LRGUK: variants seen among roughly 807,000 people sequenced by gnomAD.
LRGUK encodes the protein leucine rich repeats and guanylate kinase domain containing, also known as leucine-rich repeat and guanylate kinase domain-containing protein.
A neutral mutation model predicts 76.0 loss-of-function variants in LRGUK; 65 were observed. That is an observed-to-expected ratio of 0.85 (90% CI 0.70 to 1.05). The LOEUF (loss-of-function observed/expected upper bound fraction) is 1.05, where lower values mean the gene tolerates loss of function less well. Ranked by LOEUF, LRGUK falls within the 50% of genes least tolerant of loss-of-function variation. The pLI is 0.00. For synonymous variants in LRGUK, 268 were observed against 265.6 expected, an observed-to-expected ratio of 1.01 and a Z score of -0.09; for missense variants, 758 against 732.8, an observed-to-expected ratio of 1.03 and a Z score of -0.40.
At chr7:134,178,215 T>G (rs1213650115) in intron 9 of LRGUK, among the ~76,000 whole-genome samples, 1 of 152,142 alleles carries the variant, frequency 6.6e-6, no homozygotes, top group East Asian at 1.9e-4. Context: ...TGGTGGTTTT[T>G]TTGTGTGTGT....
chr7:134,171,651 G>T (rs925817001), intron 7 of LRGUK, among the ~76,000 whole-genome samples: 3 of 152,096 alleles, frequency 2.0e-5, no homozygotes, highest in Non-Finnish European at 4.4e-5. Context: ...GTGAGAGAAT[G>T]CGCTGGACTG....
Position 134,221,760 on chromosome 7 carries a change from TA to T in LRGUK, c.1844-18del. 1 of 1,466,604 alleles carries T rather than the reference TA, an allele frequency of 6.8e-7. No individual in the cohort carries two copies. The highest frequency in any genetic ancestry group is 9.0e-7 in the Non-Finnish European group (1 of 1,111,690). The allele number at this position is 1,466,604 out of a possible 1,614,324, so 90.8% of individuals were successfully genotyped here. On this transcript the variant is annotated intron_variant, in intron 15 of 19. Coordinates refer to the LRGUK transcript ENST00000285928. ...CCTTTATGACTTTTATTTTAAACTT[TA>T]TTTTTTTTTCCTACCAGATGTTAAG...
At chr7:134,249,059 A>C (rs1446606547) in exon 18 of LRGUK, 2 of 1,578,502 alleles carry the variant, frequency 1.3e-6, no homozygotes, top group East Asian at 2.3e-5. Context: ...CTCCATTTGG[A>C]CCATATCCTG....
At chr7:134,216,047 G>A (rs1439488866) in intron 15 of LRGUK, among the ~76,000 whole-genome samples, 2 of 152,094 alleles carry the variant, frequency 1.3e-5, no homozygotes, top group Admixed American at 1.3e-4. Context: ...AATTCCATTT[G>A]CATTACAATC....
At position 134,170,197 on chromosome 7, in the gene LRGUK, C is replaced by T. The variant is rs549118683; in HGVS notation, c.940-4359C>T. Among the ~76,000 whole-genome samples the T allele has an allele frequency of 2.4e-4, 36 of 151,974 alleles. No homozygotes were observed. In the South Asian group the frequency reaches 6.2e-3, roughly 26 times the overall value. ...CCTTAACTATCATTTATTTTATTATCGTTCTTCTGCTTTTCGTTGTACTCA... is the reference window on the plus strand; with the variant it reads ...CCTTAACTATCATTTATTTTATTATTGTTCTTCTGCTTTTCGTTGTACTCA... On this transcript the variant is annotated intron_variant, in intron 7 of 15. Coordinates refer to ENST00000645682, the Ensembl canonical transcript of LRGUK.
At chr7:134,163,285 C>T (rs1233354035) in intron 6 of LRGUK, 112 bp from the exon 7 acceptor site, 1 of 925,610 alleles carries the variant, frequency 1.1e-6, no homozygotes, top group Admixed American at 2.3e-5. Context: ...ACAAGAATGC[C>T]TTCTTGATTT....
At chr7:134,216,779 C>G (rs561824620) in intron 15 of LRGUK, among the ~76,000 whole-genome samples, 1 of 152,132 alleles carries the variant, frequency 6.6e-6, no homozygotes, top group East Asian at 1.9e-4. Flanking sequence ...CCTCAGTGTC[C>G]TAGGATAAAA....
At chr7:134,225,144 A>C (rs1801708537) in intron 16 of LRGUK, among the ~76,000 whole-genome samples, 1 of 151,262 alleles carries the variant, frequency 6.6e-6, no homozygotes, top group African/African-American at 2.4e-5. Context: ...AAAAAAAAAA[A>C]AAAAACCCAC....
At chr7:134,204,732 T>C (rs1051483303) in intron 15 of LRGUK, among the ~76,000 whole-genome samples, 1 of 152,214 alleles carries the variant, frequency 6.6e-6, no homozygotes, top group African/African-American at 2.4e-5. Flanking sequence ...ATGGTCCTTA[T>C]TAACACACAT....
chr7:134,268,203 A>G (rs1041908721), downstream of LRGUK, among the ~76,000 whole-genome samples: 3 of 133,584 alleles, frequency 2.2e-5, no homozygotes, highest in African/African-American at 7.3e-5. Flanking sequence ...TGAAAACATA[A>G]TAAAATGGAC....
intron 16 of LRGUK, among the ~76,000 whole-genome samples, chr7:134,242,956 A>G (rs929862807): frequency 6.6e-6 from 1 of 152,202 alleles, no homozygotes; most frequent in African/African-American, 2.4e-5. Flanking sequence ...CAAAAACCAC[A>G]TGATTATCTC....
At chr7:134,242,574 CA>C (rs1484244781) in intron 16 of LRGUK, among the ~76,000 whole-genome samples, 1 of 151,886 alleles carries the variant, frequency 6.6e-6, no homozygotes, top group East Asian at 1.9e-4. Flanking sequence ...GCCTACCAAC[CA>C]AAAAAAGTCC....
At chr7:134,147,041 AGTTG>A (rs767660795) in intron 4 of LRGUK, among the ~76,000 whole-genome samples, 35,770 of 152,076 alleles carry the variant, frequency 0.24, 5,021 homozygotes, top group South Asian at 0.35. Context: ...GAACAACAGA[AGTTG>A]CTGAAAAAGC....
At chr7:134,219,694 GTCTC>G (rs1034658537) in intron 15 of LRGUK, among the ~76,000 whole-genome samples, 1 of 150,300 alleles carries the variant, frequency 6.7e-6, no homozygotes, top group African/African-American at 2.4e-5. Flanking sequence ...CTCTCTCTCT[GTCTC>G]TCTCTCTCTC....
chr7:134,208,682 T>C, intron 15 of LRGUK: 1 of 398,808 alleles, frequency 2.5e-6, no homozygotes, highest in Non-Finnish European at 4.4e-6. Context: ...CTGTTTATAG[T>C]TAATTTCTTT....
At chr7:134,135,037 A>G (rs1797467257) in intron 1 of LRGUK, among the ~76,000 whole-genome samples, 1 of 152,218 alleles carries the variant, frequency 6.6e-6, no homozygotes, top group South Asian at 2.1e-4. Context: ...GTGGATTAAC[A>G]GGAGAAAAGG....
At chr7:134,191,132 C>A (rs1800225936) in intron 11 of LRGUK, among the ~76,000 whole-genome samples, 1 of 152,020 alleles carries the variant, frequency 6.6e-6, no homozygotes, top group South Asian at 2.1e-4. Context: ...GGGCCCTGAA[C>A]ATACAATTGG....
chr7:134,258,376 G>T, exon 19 of LRGUK: 1 of 1,614,054 alleles, frequency 6.2e-7, no homozygotes, highest in Non-Finnish European at 8.5e-7. Flanking sequence ...TCAGGAGCCA[G>T]TGACAGTGAG....
In LRGUK at chr7:134,206,299, G is replaced by A. The variant is rs551803266; in HGVS notation, c.1844-2408G>A. On this transcript the variant is annotated intron_variant, in intron 15 of 15. Coordinates refer to ENST00000645682, the Ensembl canonical transcript of LRGUK. ...TGGAAGCCCGAGGAGGGCAGATCAC[G>A]AGGTCAGGAGGTCGAGACCATCCTG... Among the ~76,000 whole-genome samples the A allele has an allele frequency of 1.0e-3, 155 of 152,232 alleles. 1 individual carries two copies. The highest frequency in any genetic ancestry group is 1.6e-3 in the Non-Finnish European group (107 of 68,014).
Sources: allele counts gnomAD v4.1 joint callset (sites outside exome capture counted in the v4.1 genomes callset), GRCh38; gene constraint gnomAD v4.1.1; transcripts MANE v1.5; gene names NCBI Gene and HGNC (gene_info 2026-07-23, HGNC 2026-07-21).